B3GALT1: variants seen among roughly 807,000 people sequenced by gnomAD.
The protein encoded by B3GALT1 is beta-1,3-galactosyltransferase 1.
In B3GALT1, 10 loss-of-function variants were observed where a neutral mutation model predicts 23.2. The ratio of observed to expected loss-of-function variants is 0.43; its 90% CI spans 0.27 to 0.73. B3GALT1 has a LOEUF of 0.73. Among genes scored for constraint, B3GALT1 ranks in the 30% least tolerant of loss-of-function variants. B3GALT1 has a pLI of 0.21. For synonymous variants in B3GALT1, 156 were observed against 141.5 expected (o/e 1.10, Z -0.73); for missense variants, 299 against 405.4 (o/e 0.74, Z 2.25).
intron 4 of B3GALT1, among the ~76,000 whole-genome samples, chr2:167,830,328 G>A (rs1470774527): frequency 2.6e-5 from 4 of 151,502 alleles, no homozygotes; most frequent in African/African-American, 7.3e-5. Context: ...TTTGGATGAG[G>A]AAAGACATTA....
chr2:167,868,834 C>A lies in B3GALT1; in HGVS notation c.-206C>A. The A allele has an allele frequency of 1.8e-6, 1 of 558,290 alleles. No individual in the cohort carries two copies. Among genetic ancestry groups the A allele is most frequent in the Non-Finnish European group, 3.1e-6 (1 of 323,882 alleles). The allele number at this position is 558,290 out of a possible 1,614,324, so 34.6% of individuals were successfully genotyped here. The stretch of plus-strand genomic sequence containing the variant: ...AGAGTTAAGAGGAAGATTTATGAGT[C>A]ATGGAACCCTCCATCAGATTTGGAA... On this transcript the variant is annotated 5_prime_UTR_variant, in exon 5 of 5. Coordinates refer to ENST00000392690, the MANE Select transcript of B3GALT1 (RefSeq NM_020981.4).
chr2:167,473,277 A>G (rs990008356), intron 1 of B3GALT1, among the ~76,000 whole-genome samples: 2 of 151,964 alleles, frequency 1.3e-5, no homozygotes, highest in African/African-American at 4.8e-5. Flanking sequence ...AAGATATTTT[A>G]CTCTCTTACA....
chr2:167,647,951 TA>T (rs1289124371), intron 3 of B3GALT1, among the ~76,000 whole-genome samples: 1 of 152,170 alleles, frequency 6.6e-6, no homozygotes, highest in Non-Finnish European at 1.5e-5. Flanking sequence ...CTCTTTAAGT[TA>T]TTCTAAAATG....
intron 1 of B3GALT1, among the ~76,000 whole-genome samples, chr2:167,341,676 A>G (rs1697149388): frequency 6.6e-6 from 1 of 152,144 alleles, no homozygotes; most frequent in South Asian, 2.1e-4. Context: ...ACAAAAAAAA[A>G]GATTACTGCT....
intron 1 of B3GALT1, among the ~76,000 whole-genome samples, chr2:167,303,995 C>G: frequency 6.6e-6 from 1 of 152,108 alleles, no homozygotes. Flanking sequence ...AATTTATAAG[C>G]TTACTGTCCC....
At chr2:167,462,016 T>G (rs1313538630) in intron 1 of B3GALT1, among the ~76,000 whole-genome samples, 2 of 152,150 alleles carry the variant, frequency 1.3e-5, no homozygotes, top group Non-Finnish European at 2.9e-5. Flanking sequence ...TCACACCACT[T>G]CATAGCAGAT....
intron 3 of B3GALT1, among the ~76,000 whole-genome samples, chr2:167,702,804 C>T (rs1158330801): frequency 6.6e-6 from 1 of 152,170 alleles, no homozygotes; most frequent in Admixed American, 6.5e-5. Flanking sequence ...CTCCCCTTGT[C>T]CCCAGTCTTG....
At position 167,404,140 on chromosome 2, in the gene B3GALT1, G is replaced by C. The variant is rs1258942141; in HGVS notation, c.-510-86037G>C. 3.3e-5 allele frequency among the ~76,000 whole-genome samples: 5 copies of C among 152,130 alleles called. No homozygotes were observed. In the East Asian group the frequency reaches 9.7e-4, roughly 29 times the overall value. ...ACTCATGGTGGAAGGTGGAGAGCCAGTGTTTGAGAGATCACATGGCAAGAA... is the reference window on the plus strand; with the variant it reads ...ACTCATGGTGGAAGGTGGAGAGCCACTGTTTGAGAGATCACATGGCAAGAA... On this transcript the variant is annotated intron_variant, in intron 1 of 4. Transcript: ENST00000392690.
At chr2:167,353,189 C>G (rs887892778) in intron 1 of B3GALT1, among the ~76,000 whole-genome samples, 1 of 152,120 alleles carries the variant, frequency 6.6e-6, no homozygotes, top group African/African-American at 2.4e-5. Flanking sequence ...TATTTCCTGT[C>G]TCAACTGGAA....
At chr2:167,336,112 G>A (rs1161285979) in intron 1 of B3GALT1, among the ~76,000 whole-genome samples, 2 of 151,998 alleles carry the variant, frequency 1.3e-5, no homozygotes, top group African/African-American at 2.4e-5. Context: ...CTTGGTGGTG[G>A]GGATTCCAGA....
At chr2:167,433,022 A>G (rs566111087) in intron 1 of B3GALT1, among the ~76,000 whole-genome samples, 3 of 152,230 alleles carry the variant, frequency 2.0e-5, no homozygotes, top group Non-Finnish European at 2.9e-5. Flanking sequence ...ATATGTATCT[A>G]GCACTATAGT....
intron 3 of B3GALT1, among the ~76,000 whole-genome samples, chr2:167,803,010 G>C (rs1302618219): frequency 6.6e-6 from 1 of 151,816 alleles, no homozygotes; most frequent in Non-Finnish European, 1.5e-5. Context: ...TTGATGTGCA[G>C]ATGGATTGTG....
intron 1 of B3GALT1, among the ~76,000 whole-genome samples, chr2:167,443,851 T>C (rs1228558482): frequency 2.6e-4 from 39 of 152,148 alleles, no homozygotes; most frequent in African/African-American, 9.4e-4. Flanking sequence ...TAATTGAATA[T>C]CCTTTCTTTC....
At chr2:167,587,169 G>T (rs1684597538) in intron 2 of B3GALT1, among the ~76,000 whole-genome samples, 1 of 152,032 alleles carries the variant, frequency 6.6e-6, no homozygotes, top group African/African-American at 2.4e-5. Flanking sequence ...TATATACTGT[G>T]CTGGACCAGT....
chr2:167,369,750 G>A (rs1373934191), intron 1 of B3GALT1, among the ~76,000 whole-genome samples: 1 of 152,104 alleles, frequency 6.6e-6, no homozygotes, highest in African/African-American at 2.4e-5. Flanking sequence ...AACAAGGAAA[G>A]GGATATGTGA....
At chr2:167,853,136 G>A (rs754748687) in intron 4 of B3GALT1, among the ~76,000 whole-genome samples, 2 of 152,148 alleles carry the variant, frequency 1.3e-5, no homozygotes, top group African/African-American at 2.4e-5. Flanking sequence ...AAAAAATGAT[G>A]TAGGTATGGT....
intron 3 of B3GALT1, among the ~76,000 whole-genome samples, chr2:167,811,744 G>A (rs1395805788): frequency 6.6e-6 from 1 of 152,144 alleles, no homozygotes; most frequent in African/African-American, 2.4e-5. Flanking sequence ...TCCCTGTTAT[G>A]CCTCTCTGGT....
intron 4 of B3GALT1, among the ~76,000 whole-genome samples, chr2:167,832,722 T>C (rs1020474575): frequency 6.6e-6 from 1 of 152,252 alleles, no homozygotes; most frequent in African/African-American, 2.4e-5. Flanking sequence ...TAACATCAAA[T>C]GGTTAGATTT....
chr2:167,823,703 C>G (rs1312596990), intron 4 of B3GALT1, among the ~76,000 whole-genome samples: 1 of 152,138 alleles, frequency 6.6e-6, no homozygotes, highest in Admixed American at 6.5e-5. Context: ...GAACAGTGGC[C>G]CCAGCTCATT....
Sources: allele counts gnomAD v4.1 joint callset (sites outside exome capture counted in the v4.1 genomes callset), GRCh38; gene constraint gnomAD v4.1.1; transcripts MANE v1.5; gene names NCBI Gene and HGNC (gene_info 2026-07-23, HGNC 2026-07-21).